The following REXO5 variants were observed in gnomAD, a reference collection of about 807,000 sequenced individuals.
The protein encoded by REXO5 is exonuclease NEF-sp.
In REXO5, 48 loss-of-function variants were observed where a neutral mutation model predicts 88.5. That is an observed-to-expected ratio of 0.54 (90% confidence interval 0.43 to 0.69). REXO5 has a LOEUF of 0.69. REXO5 is among the 30% of genes least tolerant of loss of function. The pLI is 0.00. For missense variants in REXO5, 749 were observed against 912.2 expected (o/e 0.82, Z 2.30); for synonymous variants, 311 against 336.5 (o/e 0.92, Z 0.83).
Position 20,832,256 on chromosome 16 carries a change from CA to C in REXO5, c.1261del (p.Ser421ValfsTer3). The C allele has an allele frequency of 6.3e-7, 1 of 1,597,738 alleles. No individual in the cohort carries two copies. Among genetic ancestry groups the C allele is most frequent in the Non-Finnish European group, 8.6e-7 (1 of 1,168,836 alleles). ...NTAEVLQHPN[T>X]SVLECLDSVG... The stretch of plus-strand genomic sequence containing the variant: ...GCAGAAGTACTTCAGCACCCAAACA[CA>C]AGGTAATATTTTCAGTTTGAAACAA... On this transcript the variant is annotated frameshift_variant and splice_region_variant, in exon 12 of 20. Coordinates refer to ENST00000261377, the MANE Select transcript of REXO5 (RefSeq NM_030941.3). LOFTEE classifies it high-confidence loss of function.
intron 13 of REXO5, among the ~76,000 whole-genome samples, chr16:20,835,967 G>T (rs1487456494): frequency 2.0e-5 from 3 of 152,080 alleles, no homozygotes; most frequent in African/African-American, 7.2e-5. Context: ...TTGAGCCCAG[G>T]AGGTGGAGGT....
intron 4 of REXO5, 37 bp downstream of exon 4, chr16:20,815,090 GT>G: frequency 6.3e-7 from 1 of 1,589,500 alleles, no homozygotes; most frequent in Non-Finnish European, 8.5e-7. Context: ...GGCTGAGTCT[GT>G]TTTCCCATTC....
chr16:20,840,646 GA>G (rs2081512509), intron 15 of REXO5, among the ~76,000 whole-genome samples, 178 bp downstream of exon 15: 1 of 152,122 alleles, frequency 6.6e-6, no homozygotes, highest in African/African-American at 2.4e-5. Context: ...CCAGTATTGT[GA>G]GATCTTTTGT....
At chr16:20,830,324 T>C (rs750264949) in intron 11 of REXO5, among the ~76,000 whole-genome samples, 23 of 151,994 alleles carry the variant, frequency 1.5e-4, no homozygotes, top group Non-Finnish European at 3.2e-4. Context: ...GCAGCTGGGA[T>C]TACAGGTGCC....
chr16:20,809,892 T>C (rs1339380186), intron 2 of REXO5, among the ~76,000 whole-genome samples: 2 of 152,208 alleles, frequency 1.3e-5, no homozygotes, highest in Admixed American at 6.5e-5. Context: ...CTCAAACACT[T>C]TGGGCTTATG....
rs535251198 is a variant in REXO5, at chr16:20,815,701, C to T, written c.379-415C>T. 1.8e-4 allele frequency among the ~76,000 whole-genome samples: 28 copies of T among 152,228 alleles called. 1 individual carries two copies. The highest frequency in any genetic ancestry group is 9.2e-4 in the Admixed American group (14 of 15,298). On this transcript the variant is annotated intron_variant, in intron 4 of 19. Coordinates refer to ENST00000261377, the MANE Select transcript of REXO5 (RefSeq NM_030941.3). ...TACATGAGAAACTGAGTAACTTGCC[C>T]GAGTTCCAGCTAGTAAGTGGTAGGG... is the stretch of plus-strand genomic sequence containing the variant.
chr16:20,814,530 C>T lies in REXO5; in HGVS notation c.252-397C>T, dbSNP rs143451750. On this transcript the variant is annotated intron_variant, in intron 3 of 19. Coordinates refer to ENST00000261377, the MANE Select transcript of REXO5 (RefSeq NM_030941.3). ...GTGCTGGGATTACAGGCGTGAGTCA[C>T]CGTGCCCAGCGAAAACTGAATTTCT... 1.3e-3 allele frequency among the ~76,000 whole-genome samples: 205 copies of T among 152,258 alleles called. 1 individual carries two copies. Among genetic ancestry groups the T allele is most frequent in the African/African-American group, 4.7e-3 (197 of 41,548 alleles).
In REXO5 at chr16:20,839,782, C is replaced by A. The variant is rs368591454; in HGVS notation, c.1411C>A (p.Pro471Thr). ...TCTTGAGCAGGCCAGAGTGGAAATC[C>A]CCCTGTTTCCCTTCAGCATTGTTCA... ...EVLEQARVEI[P>T]LFPFSIVQFS... Residue 471 changes from proline (P) to threonine (T), a missense_variant, in exon 14 of 20, where the codon CCC becomes ACC. Pro to Thr is a conservative substitution (Grantham distance 38, BLOSUM62 -1). Coordinates refer to ENST00000261377, the MANE Select transcript of REXO5 (RefSeq NM_030941.3). 2 of 1,613,660 alleles carry A rather than the reference C, an allele frequency of 1.2e-6. No individual in the cohort carries two copies. Among genetic ancestry groups the A allele is most frequent in the East Asian group, 2.2e-5 (1 of 44,886 alleles).
chr16:20,819,545 C>T (rs1445340899), intron 5 of REXO5, among the ~76,000 whole-genome samples: 13 of 148,300 alleles, frequency 8.8e-5, no homozygotes, highest in East Asian at 2.0e-4. Context: ...CACCTGAGGT[C>T]GGGAGTTGGA....
In REXO5 at chr16:20,849,561, C is replaced by G; in HGVS notation, c.*81C>G. The G allele has an allele frequency of 8.0e-7, 1 of 1,249,106 alleles. No homozygotes were observed. The allele number at this position is 1,249,106 out of a possible 1,614,324, so 77.4% of individuals were successfully genotyped here. On this transcript the variant is annotated 3_prime_UTR_variant, in exon 20 of 20. Transcript: ENST00000261377. ...GAATGTGGTCAGGCTGTAGCCTCCC[C>G]AACCAGCAGACAGCTTTATGGAAAC...
At chr16:20,832,280 C>T in intron 12 of REXO5, 21 bp downstream of exon 12, 2 of 1,506,260 alleles carry the variant, frequency 1.3e-6, no homozygotes, top group Non-Finnish European at 1.8e-6. Context: ...CAGTTTGAAA[C>T]AAGAGCAAAG....
chr16:20,848,190 C>T (rs761699953), intron 19 of REXO5, among the ~76,000 whole-genome samples: 2 of 152,108 alleles, frequency 1.3e-5, no homozygotes, highest in African/African-American at 2.4e-5. Context: ...CTTCTCTGGG[C>T]CTTGTTTGTG....
In REXO5 at chr16:20,839,738, T is replaced by G. The variant is rs753189231; in HGVS notation, c.1384-17T>G. On this transcript the variant is annotated splice_polypyrimidine_tract_variant and intron_variant, in intron 13 of 19. Coordinates refer to ENST00000261377, the MANE Select transcript of REXO5 (RefSeq NM_030941.3). The stretch of plus-strand genomic sequence containing the variant: ...TATGAGGTTCCTACCTTATCCAGGC[T>G]GTGCTGTTCTCTACAGGTTCTTGAG... The G allele has an allele frequency of 2.9e-5, 45 of 1,572,396 alleles. No homozygotes were observed. In the East Asian group the frequency reaches 1.0e-3, roughly 35 times the overall value.
intron 17 of REXO5, 35 bp from the exon 18 acceptor site, chr16:20,845,019 C>T (rs1324512301): frequency 1.2e-6 from 2 of 1,602,232 alleles, no homozygotes; most frequent in South Asian, 2.2e-5. Flanking sequence ...CTTTCTTGGC[C>T]CTTAATAACA....
chr16:20,807,738 TAAA>T (rs56126602), intron 2 of REXO5, among the ~76,000 whole-genome samples: 2 of 141,956 alleles, frequency 1.4e-5, no homozygotes, highest in Non-Finnish European at 3.0e-5. Context: ...CCCCATCTCT[TAAA>T]AAAAAAAAAC....
In REXO5 at chr16:20,840,456, T is replaced by C; in HGVS notation, c.1614T>C (p.Leu538=). The change falls in exon 15 of 20, where the codon CTT becomes CTC. Residue 538 remains leucine, a synonymous_variant. Transcript: ENST00000261377. ...CAGTCCAGTCAATGACTTTTGTTCT[T>C]GAAACCCGTCAGGTAAGACCGGAAA... The part of the protein sequence containing the change: ...FGPVQSMTFV[L]ETRQPHLCIQ... The C allele has an allele frequency of 6.4e-7, 1 of 1,555,646 alleles. No homozygotes were observed. Among genetic ancestry groups the C allele is most frequent in the Non-Finnish European group, 8.8e-7 (1 of 1,139,224 alleles).
At chr16:20,846,608 A>C (rs1045981058) in intron 19 of REXO5, among the ~76,000 whole-genome samples, 3 of 152,244 alleles carry the variant, frequency 2.0e-5, no homozygotes, top group Non-Finnish European at 2.9e-5. Context: ...TGGAGTAAGA[A>C]GTAGCTGCTA....
intron 13 of REXO5, among the ~76,000 whole-genome samples, chr16:20,837,611 A>G (rs2081453297): frequency 6.6e-6 from 1 of 152,116 alleles, no homozygotes; most frequent in South Asian, 2.1e-4. Context: ...GACAACTTGT[A>G]GTTGCTTTTT....
chr16:20,838,133 TTTTGAACA>T (rs2081465161), intron 13 of REXO5, among the ~76,000 whole-genome samples: 1 of 152,286 alleles, frequency 6.6e-6, no homozygotes, highest in African/African-American at 2.4e-5. Context: ...ACTGATTTGT[TTTTGAACA>T]AGGTTTTCAT....
Sources: allele counts gnomAD v4.1 joint callset (sites outside exome capture counted in the v4.1 genomes callset), GRCh38; gene constraint gnomAD v4.1.1; transcripts MANE v1.5; gene names NCBI Gene and HGNC (gene_info 2026-07-23, HGNC 2026-07-21).